Variants in EPHA5 observed in about 807,000 individuals in gnomAD.
EPHA5 encodes EPH receptor A5.
In EPHA5, 60 loss-of-function variants were observed where a neutral mutation model predicts 105.0. That is an observed-to-expected ratio of 0.57 (90% CI 0.46 to 0.71). The LOEUF is 0.71. Among genes scored for constraint, EPHA5 ranks in the 30% least tolerant of loss-of-function variants. The pLI is 0.00. For synonymous variants in EPHA5, 513 were observed against 449.1 expected (o/e 1.14, Z -1.80); for missense variants, 1,218 against 1,274.7 (o/e 0.96, Z 0.68).
At chr4:65,447,147 T>A (rs903295634) in intron 5 of EPHA5, among the ~76,000 whole-genome samples, 1 of 151,830 alleles carries the variant, frequency 6.6e-6, no homozygotes, top group African/African-American at 2.4e-5. Context: ...CCACCACACC[T>A]GGCTAATTTT....
chr4:65,423,547 A>G (rs1000370588), intron 5 of EPHA5, among the ~76,000 whole-genome samples: 22 of 151,920 alleles, frequency 1.4e-4, no homozygotes, highest in African/African-American at 5.3e-4. Context: ...GGATATTTTT[A>G]TACCTTGGTT....
chr4:65,595,681 C>T (rs923716904), intron 3 of EPHA5, among the ~76,000 whole-genome samples: 1 of 151,318 alleles, frequency 6.6e-6, no homozygotes, highest in Non-Finnish European at 1.5e-5. Flanking sequence ...CCCGGGTTCA[C>T]GCCATTCTCC....
intron 8 of EPHA5, among the ~76,000 whole-genome samples, chr4:65,372,102 C>T (rs537921697): frequency 1.7e-4 from 26 of 152,040 alleles, no homozygotes; most frequent in African/African-American, 6.3e-4. Flanking sequence ...TGCACACTCA[C>T]GTGTTCTGAC....
chr4:65,666,701 G>A (rs931074343), intron 1 of EPHA5, among the ~76,000 whole-genome samples: 21 of 151,990 alleles, frequency 1.4e-4, no homozygotes, highest in Non-Finnish European at 2.8e-4. Context: ...AACTACTAAG[G>A]ATATATTTAT....
intron 5 of EPHA5, among the ~76,000 whole-genome samples, chr4:65,457,404 A>G (rs2149122194): frequency 6.6e-6 from 1 of 152,324 alleles, no homozygotes; most frequent in South Asian, 2.1e-4. Flanking sequence ...ACTATAAGTT[A>G]TACCTTAAAT....
chr4:65,543,174 C>G (rs1464120149), intron 3 of EPHA5, among the ~76,000 whole-genome samples: 1 of 151,996 alleles, frequency 6.6e-6, no homozygotes, highest in Admixed American at 6.6e-5. Flanking sequence ...GACAAGGATG[C>G]CCTCTCTCAA....
At chr4:65,656,565 C>T (rs1004010928) in intron 1 of EPHA5, among the ~76,000 whole-genome samples, 4 of 147,058 alleles carry the variant, frequency 2.7e-5, no homozygotes, top group African/African-American at 7.4e-5. Context: ...ACTACATTTA[C>T]ATGTAGCATT....
intron 11 of EPHA5, among the ~76,000 whole-genome samples, chr4:65,360,877 G>A (rs924175481): frequency 4.0e-5 from 6 of 151,294 alleles, no homozygotes; most frequent in Non-Finnish European, 8.9e-5. Flanking sequence ...CACAAAGGGG[G>A]TGACAAACCT....
chr4:65,447,101 C>T (rs569698862), intron 5 of EPHA5, among the ~76,000 whole-genome samples: 106 of 151,522 alleles, frequency 7.0e-4, no homozygotes, highest in African/African-American at 2.4e-3. Flanking sequence ...ATCCTCCCAC[C>T]TCAGTCTCCC....
chr4:65,485,186 A>G (rs1329350281), intron 5 of EPHA5, among the ~76,000 whole-genome samples: 1 of 151,912 alleles, frequency 6.6e-6, no homozygotes, highest in Non-Finnish European at 1.5e-5. Flanking sequence ...TCTAATTTTT[A>G]TCCACTATTT....
intron 5 of EPHA5, among the ~76,000 whole-genome samples, chr4:65,482,841 C>CTT (rs1183046989): frequency 1.7e-5 from 2 of 117,330 alleles, no homozygotes; most frequent in African/African-American, 6.3e-5. Flanking sequence ...ATTTCTTTTC[C>CTT]TTTTTTTTTT....
chr4:65,635,393 G>T (rs926303033), intron 2 of EPHA5, among the ~76,000 whole-genome samples: 1 of 152,068 alleles, frequency 6.6e-6, no homozygotes, highest in African/African-American at 2.4e-5. Context: ...AATTTAAAAT[G>T]ATGTTTATAT....
chr4:65,352,453 G>A (rs562068895), intron 12 of EPHA5, among the ~76,000 whole-genome samples: 17 of 152,042 alleles, frequency 1.1e-4, no homozygotes, highest in Non-Finnish European at 2.5e-4. Flanking sequence ...CTAATAAAGT[G>A]GGTTGCCATT....
At chr4:65,350,735 C>T (rs1259372125) in intron 13 of EPHA5, among the ~76,000 whole-genome samples, 2 of 152,018 alleles carry the variant, frequency 1.3e-5, no homozygotes, top group East Asian at 1.9e-4. Flanking sequence ...CAATTACTTT[C>T]ATAGAAAAGA....
intron 3 of EPHA5, among the ~76,000 whole-genome samples, chr4:65,546,149 T>A (rs2149331048): frequency 6.6e-6 from 1 of 152,118 alleles, no homozygotes; most frequent in East Asian, 1.9e-4. Context: ...CATTTTAACT[T>A]ACTGCATTTT....
chr4:65,409,628 A>G (rs959711706), intron 7 of EPHA5, among the ~76,000 whole-genome samples: 1 of 152,184 alleles, frequency 6.6e-6, no homozygotes, highest in Non-Finnish European at 1.5e-5. Flanking sequence ...CAAGAGCCAG[A>G]TTATAAGGCT....
intron 7 of EPHA5, 42 bp downstream of exon 7, chr4:65,414,242 C>A (rs2149018075): frequency 1.3e-6 from 2 of 1,586,932 alleles, no homozygotes; most frequent in Non-Finnish European, 1.7e-6. Context: ...TTTCTGGTAA[C>A]CATTACTGAG....
chr4:65,324,211 C>T lies in EPHA5; in HGVS notation c.2954G>A (p.Arg985Lys), dbSNP rs1218429128. ...AVAQVTLEDL[R>K]RLGVTLVGHQ... Reference sequence around the variant, plus strand: ...ACCGACAAGAGTCACTCCAAGCCGTCTCAAATCCCTGCATGAAGAAAGCAC... The same window carrying T: ...ACCGACAAGAGTCACTCCAAGCCGTTTCAAATCCCTGCATGAAGAAAGCAC... Residue 985 changes from arginine to lysine, a missense_variant, in exon 17 of 17, where the codon AGA becomes AAA. Coordinates refer to ENST00000613740, the MANE Select transcript of EPHA5 (RefSeq NM_001281766.3). 4 of 1,607,234 alleles carry T rather than the reference C, an allele frequency of 2.5e-6. No individual in the cohort carries two copies. The highest frequency in any genetic ancestry group is 1.7e-6 in the Non-Finnish European group (2 of 1,175,514).
intron 16 of EPHA5, chr4:65,331,574 T>TA: frequency 9.4e-7 from 1 of 1,059,320 alleles, no homozygotes; most frequent in Non-Finnish European, 1.1e-6. Context: ...AATGTACAAA[T>TA]ATGTTTGGTC....
Sources: gnomAD v4.1 joint callset for allele counts (sites outside exome capture counted in the v4.1 genomes callset) on GRCh38, gnomAD v4.1.1 for gene constraint, MANE v1.5 for transcripts, NCBI Gene and HGNC (gene_info 2026-07-23, HGNC 2026-07-21) for gene names.